The following ACYP2 variants were observed in gnomAD, a reference collection of about 807,000 sequenced individuals.
The protein encoded by ACYP2 is acylphosphatase-2.
Under a neutral mutation model 11.2 loss-of-function variants are expected in ACYP2, and 12 were observed. The observed-to-expected ratio is 1.08, with a 90% CI of 0.69 to 1.74. The LOEUF (loss-of-function observed/expected upper bound fraction) is 1.74, where lower values mean the gene tolerates loss of function less well. ACYP2 is among the 40% of genes most tolerant of loss of function. The probability of loss-of-function intolerance (pLI) is 0.00; values close to 1 mark genes in which losing one functional copy is unlikely to be tolerated. For synonymous variants in ACYP2, 43 were observed against 32.2 expected (o/e 1.33, Z -1.13); for missense variants, 134 against 101.9 (o/e 1.31, Z -1.35).
chr2:54,194,330 G>A (rs764343850), intron 6 of ACYP2, among the ~76,000 whole-genome samples: 6 of 152,038 alleles, frequency 3.9e-5, no homozygotes, highest in Admixed American at 6.6e-5. Context: ...ATGAGCCACC[G>A]CGCCCAGCCC....
chr2:54,205,771 G>C (rs1338829241), intron 6 of ACYP2, among the ~76,000 whole-genome samples: 1 of 152,016 alleles, frequency 6.6e-6, no homozygotes, highest in Admixed American at 6.5e-5. Context: ...TTTCTTCTCA[G>C]AGCCTTTAGT....
chr2:54,261,612 C>T (rs183289300), intron 6 of ACYP2, among the ~76,000 whole-genome samples: 8 of 152,150 alleles, frequency 5.3e-5, no homozygotes, highest in Admixed American at 3.9e-4. Flanking sequence ...TTTCCTTGGA[C>T]TCCTCAAATA....
intron 6 of ACYP2, among the ~76,000 whole-genome samples, chr2:54,263,927 G>A (rs534023160): frequency 1.2e-4 from 19 of 152,268 alleles, no homozygotes; most frequent in African/African-American, 4.3e-4. Flanking sequence ...AGCACAGGAA[G>A]AGCAGTAAGT....
chr2:54,174,156 A>G (rs903904223), intron 6 of ACYP2, among the ~76,000 whole-genome samples: 1 of 152,148 alleles, frequency 6.6e-6, no homozygotes, highest in African/African-American at 2.4e-5. Context: ...GATTCTTCCT[A>G]TCCATGAGCA....
intron 6 of ACYP2, among the ~76,000 whole-genome samples, chr2:54,292,323 C>T (rs1362799424): frequency 1.3e-5 from 2 of 151,854 alleles, no homozygotes; most frequent in African/African-American, 2.4e-5. Flanking sequence ...AGTTATTGAA[C>T]TCTTATAATG....
At chr2:54,062,083 A>G (rs571304628) in intron 4 of ACYP2, among the ~76,000 whole-genome samples, 3 of 152,308 alleles carry the variant, frequency 2.0e-5, no homozygotes, top group African/African-American at 7.2e-5. Context: ...GAGATATTAC[A>G]AACTATTGTT....
intron 2 of ACYP2, among the ~76,000 whole-genome samples, chr2:54,050,127 T>G (rs1675761956): frequency 6.6e-6 from 1 of 152,200 alleles, no homozygotes; most frequent in Admixed American, 6.5e-5. Flanking sequence ...AGAATCAAAT[T>G]TTTTTCTTTT....
At chr2:54,251,004 T>C (rs1294400296) in intron 6 of ACYP2, among the ~76,000 whole-genome samples, 1 of 152,232 alleles carries the variant, frequency 6.6e-6, no homozygotes, top group African/African-American at 2.4e-5. Context: ...GTCTTCAGAA[T>C]AGCATCATCC....
At chr2:53,972,811 A>G (rs993700722) in intron 1 of ACYP2, among the ~76,000 whole-genome samples, 2 of 152,224 alleles carry the variant, frequency 1.3e-5, no homozygotes, top group African/African-American at 2.4e-5. Context: ...GACGCTGGGT[A>G]GATAGGTGAA....
chr2:54,274,142 G>T (rs761451018), intron 6 of ACYP2, among the ~76,000 whole-genome samples: 3 of 152,182 alleles, frequency 2.0e-5, no homozygotes, highest in Non-Finnish European at 2.9e-5. Context: ...TCATAATTAT[G>T]GTGGAAGGCA....
intron 4 of ACYP2, among the ~76,000 whole-genome samples, chr2:54,109,190 T>C (rs1679325910): frequency 6.6e-6 from 1 of 152,152 alleles, no homozygotes; most frequent in Non-Finnish European, 1.5e-5. Context: ...AAATGTGGTA[T>C]ACATATATAT....
intron 4 of ACYP2, among the ~76,000 whole-genome samples, chr2:54,087,473 G>C (rs7560947): frequency 0.57 from 87,017 of 151,758 alleles, 25,104 homozygotes; most frequent in East Asian, 0.72. Flanking sequence ...CTTAACCTCC[G>C]CAGTAGCTAG....
At chr2:54,259,575 T>C (rs1687693905) in intron 6 of ACYP2, among the ~76,000 whole-genome samples, 1 of 151,242 alleles carries the variant, frequency 6.6e-6, no homozygotes, top group Non-Finnish European at 1.5e-5. Flanking sequence ...TGTCAGTTAG[T>C]ATGAGGTCTG....
At chr2:54,172,483 C>T (rs957729251) in intron 6 of ACYP2, among the ~76,000 whole-genome samples, 4 of 152,172 alleles carry the variant, frequency 2.6e-5, no homozygotes, top group Admixed American at 6.5e-5. Context: ...CAATTTTTCA[C>T]AACAATGTGT....
chr2:54,137,646 T>C (rs1211365894), intron 5 of ACYP2, among the ~76,000 whole-genome samples: 1 of 152,190 alleles, frequency 6.6e-6, no homozygotes, highest in Non-Finnish European at 1.5e-5. Flanking sequence ...TATTCCATGG[T>C]GTATATGTAC....
At chr2:54,074,069 G>A (rs1326490833) in intron 4 of ACYP2, among the ~76,000 whole-genome samples, 1 of 152,202 alleles carries the variant, frequency 6.6e-6, no homozygotes, top group African/African-American at 2.4e-5. Context: ...GCCGGATGCA[G>A]TGACTCATAC....
chr2:54,188,306 G>A (rs1684097191), intron 6 of ACYP2, among the ~76,000 whole-genome samples: 1 of 152,020 alleles, frequency 6.6e-6, no homozygotes, highest in Admixed American at 6.6e-5. Flanking sequence ...CTAATACATG[G>A]AGAAAAGAAT....
At chr2:54,039,235 TC>T (rs35228135) in intron 2 of ACYP2, among the ~76,000 whole-genome samples, 1 of 148,022 alleles carries the variant, frequency 6.8e-6, no homozygotes, top group South Asian at 2.1e-4. Context: ...TTTTTTTTTT[TC>T]CCCAGCCTAC....
chr2:54,142,614 TTG>T (rs1032376826), intron 6 of ACYP2: 2 of 152,220 alleles, frequency 1.3e-5, no homozygotes, highest in African/African-American at 4.8e-5. Flanking sequence ...TCCCAGCTAC[TTG>T]GGAGGCTGAG....
Sources: gnomAD v4.1 joint callset for allele counts (sites outside exome capture counted in the v4.1 genomes callset) on GRCh38, gnomAD v4.1.1 for gene constraint, MANE v1.5 for transcripts, NCBI Gene and HGNC (gene_info 2026-07-23, HGNC 2026-07-21) for gene names.